Variants in SLC24A2 observed in about 807,000 individuals in gnomAD.
SLC24A2 encodes sodium/potassium/calcium exchanger 2.
Under a neutral mutation model 62.0 loss-of-function variants are expected in SLC24A2, and 36 were observed. The observed-to-expected ratio is 0.58, with a 90% CI of 0.44 to 0.77. The LOEUF is 0.77. Ranked by LOEUF, SLC24A2 falls within the 30% of genes least tolerant of loss-of-function variation. The pLI, the probability that SLC24A2 is intolerant of heterozygous loss-of-function variation, is 0.00. For synonymous variants in SLC24A2, 358 were observed against 294.0 expected, an observed-to-expected ratio of 1.22 and a Z score of -2.23; for missense variants, 846 against 817.9, an observed-to-expected ratio of 1.03 and a Z score of -0.42.
chr9:19,798,050 C>T, the SLC24A2 span, among the ~76,000 whole-genome samples: 1 of 152,030 alleles, frequency 6.6e-6, no homozygotes, highest in Non-Finnish European at 1.5e-5. Flanking sequence ...CGAGTTCTTT[C>T]CTGGAGACTG....
chr9:20,299,097 A>G, the SLC24A2 span, among the ~76,000 whole-genome samples: 1 of 152,230 alleles, frequency 6.6e-6, no homozygotes, highest in African/African-American at 2.4e-5. Context: ...ATAAGCAAGA[A>G]TGGCTAGATG....
the SLC24A2 span, among the ~76,000 whole-genome samples, chr9:20,233,668 G>C: frequency 6.6e-6 from 1 of 152,180 alleles, no homozygotes; most frequent in Non-Finnish European, 1.5e-5. Context: ...GACGGGTCTT[G>C]AATCTTTATC....
chr9:19,898,835 T>C, the SLC24A2 span, among the ~76,000 whole-genome samples: 4 of 151,860 alleles, frequency 2.6e-5, no homozygotes, highest in Non-Finnish European at 4.4e-5. Flanking sequence ...TTCTAAGTTA[T>C]AAACAAGAGA....
At chr9:20,138,700 A>G in the SLC24A2 span, among the ~76,000 whole-genome samples, 1 of 152,164 alleles carries the variant, frequency 6.6e-6, no homozygotes, top group Admixed American at 6.5e-5. Flanking sequence ...GTATTTTCTC[A>G]GGGAACTAAG....
At chr9:20,028,282 G>A in the SLC24A2 span, among the ~76,000 whole-genome samples, 1 of 152,098 alleles carries the variant, frequency 6.6e-6, no homozygotes, top group African/African-American at 2.4e-5. Flanking sequence ...ACCAGCCTAA[G>A]CTTTGCTTGT....
At chr9:20,060,376 C>G in the SLC24A2 span, among the ~76,000 whole-genome samples, 2 of 151,890 alleles carry the variant, frequency 1.3e-5, no homozygotes, top group African/African-American at 4.8e-5. Flanking sequence ...CAATATTCCT[C>G]ATAAACATAG....
chr9:19,558,808 A>T (rs7858260), intron 7 of SLC24A2, among the ~76,000 whole-genome samples: 27,833 of 152,142 alleles, frequency 0.18, 3,891 homozygotes, highest in African/African-American at 0.39. Context: ...AAATACTCTC[A>T]CTGACAAAGG....
chr9:20,093,032 T>C, the SLC24A2 span, among the ~76,000 whole-genome samples: 1 of 152,106 alleles, frequency 6.6e-6, no homozygotes, highest in African/African-American at 2.4e-5. Context: ...ATTTATATAA[T>C]ATTTTGATTC....
the SLC24A2 span, among the ~76,000 whole-genome samples, chr9:20,203,637 A>G: frequency 2.0e-5 from 3 of 152,132 alleles, no homozygotes; most frequent in African/African-American, 7.2e-5. Flanking sequence ...TGGGGCCAAG[A>G]GTTCAAGACC....
chr9:20,239,260 A>T, the SLC24A2 span, among the ~76,000 whole-genome samples: 1 of 152,234 alleles, frequency 6.6e-6, no homozygotes, highest in Non-Finnish European at 1.5e-5. Context: ...TCACAAAAAA[A>T]TTTTTAAGTA....
At chr9:19,946,679 T>C in the SLC24A2 span, among the ~76,000 whole-genome samples, 1 of 152,190 alleles carries the variant, frequency 6.6e-6, no homozygotes, top group Non-Finnish European at 1.5e-5. Context: ...GCACTTCCTC[T>C]TCTCAGATAA....
chr9:19,996,989 G>A, the SLC24A2 span, among the ~76,000 whole-genome samples: 820 of 151,876 alleles, frequency 5.4e-3, 13 homozygotes, highest in African/African-American at 0.019. Context: ...AAAAGAGAGG[G>A]AGACAACGAG....
chr9:19,945,024 T>C, the SLC24A2 span, among the ~76,000 whole-genome samples: 1 of 152,242 alleles, frequency 6.6e-6, no homozygotes, highest in Non-Finnish European at 1.5e-5. Context: ...CAGAGTGGTC[T>C]TGATCAGTCA....
intron 2 of SLC24A2, among the ~76,000 whole-genome samples, chr9:19,760,102 T>C (rs544158509): frequency 1.4e-4 from 22 of 152,236 alleles, no homozygotes; most frequent in East Asian, 3.9e-4. Flanking sequence ...TCCTATTTTA[T>C]TGAGAAAATA....
the SLC24A2 span, among the ~76,000 whole-genome samples, chr9:19,853,487 T>C: frequency 2.0e-5 from 3 of 152,230 alleles, no homozygotes; most frequent in African/African-American, 2.4e-5. Flanking sequence ...GTTCCTTCAA[T>C]ACCTAATTTA....
intron 2 of SLC24A2, among the ~76,000 whole-genome samples, chr9:19,684,878 G>C (rs1415566019): frequency 6.6e-6 from 1 of 151,920 alleles, no homozygotes; most frequent in Non-Finnish European, 1.5e-5. Context: ...AGAAATAAAA[G>C]GCATCCAAAT....
chr9:20,044,944 T>C, the SLC24A2 span, among the ~76,000 whole-genome samples: 1 of 152,058 alleles, frequency 6.6e-6, no homozygotes, highest in Non-Finnish European at 1.5e-5. Flanking sequence ...ATTTATCTGG[T>C]ATGTGGCTGT....
chr9:20,199,589 T>G, the SLC24A2 span, among the ~76,000 whole-genome samples: 1 of 152,206 alleles, frequency 6.6e-6, no homozygotes, highest in East Asian at 1.9e-4. Flanking sequence ...TCAATATTTT[T>G]CAATTCACTT....
the SLC24A2 span, among the ~76,000 whole-genome samples, chr9:20,082,013 C>G: frequency 6.6e-6 from 1 of 152,130 alleles, no homozygotes; most frequent in African/African-American, 2.4e-5. Context: ...TCACTCTAAC[C>G]TGAAAAATAT....
Sources: allele counts gnomAD v4.1 joint callset (sites outside exome capture counted in the v4.1 genomes callset), GRCh38; gene constraint gnomAD v4.1.1; transcripts MANE v1.5; gene names NCBI Gene and HGNC (gene_info 2026-07-23, HGNC 2026-07-21).